The following XPO7 variants were observed in gnomAD, a reference collection of about 807,000 sequenced individuals.
XPO7 encodes exportin 7.
In XPO7, 21 loss-of-function variants were observed where a neutral mutation model predicts 144.3. The ratio of observed to expected loss-of-function variants is 0.15; its 90% CI spans 0.10 to 0.21. The LOEUF (loss-of-function observed/expected upper bound fraction) is 0.21, where lower values mean the gene tolerates loss of function less well. Ranked by LOEUF, XPO7 falls within the 10% of genes least tolerant of loss-of-function variation. The pLI is 1.00. For missense variants in XPO7, 808 were observed against 1,325.8 expected (o/e 0.61, Z 6.06); for synonymous variants, 580 against 499.6 (o/e 1.16, Z -2.15).
intron 1 of XPO7, among the ~76,000 whole-genome samples, chr8:21,948,584 A>G (rs569798405): frequency 5.3e-5 from 8 of 152,358 alleles, no homozygotes; most frequent in African/African-American, 1.9e-4. Flanking sequence ...ATGTTTTTAT[A>G]TACTAGATTG....
chr8:21,944,341 G>A (rs1811088409), intron 1 of XPO7, among the ~76,000 whole-genome samples: 1 of 152,148 alleles, frequency 6.6e-6, no homozygotes, highest in Non-Finnish European at 1.5e-5. Context: ...GCCTAGGCGG[G>A]CAGATCACCT....
At chr8:21,957,322 G>T (rs971609028) in intron 1 of XPO7, among the ~76,000 whole-genome samples, 6 of 151,900 alleles carry the variant, frequency 3.9e-5, no homozygotes, top group African/African-American at 1.5e-4. Flanking sequence ...GGACTATCTG[G>T]GAATCTTAAC....
chr8:21,956,671 A>C (rs772433546), intron 1 of XPO7, among the ~76,000 whole-genome samples: 7 of 149,730 alleles, frequency 4.7e-5, no homozygotes, highest in Non-Finnish European at 7.4e-5. Flanking sequence ...TTTCAATAGA[A>C]TATTTTTGTC....
rs564325161 is a variant in XPO7, at chr8:21,949,012, C to T, written c.19-17845C>T. Among the ~76,000 whole-genome samples, 103 of 152,276 alleles carry T rather than the reference C, an allele frequency of 6.8e-4. 1 individual carries two copies. In the South Asian group the frequency reaches 9.6e-3, roughly 14 times the overall value. ...CAGTCTGTGGGCTTCTGGCAGCAAT[C>T]GCAAGTTACGGGCCCTAAGATGAGA... On this transcript the variant is annotated intron_variant, in intron 1 of 27. Coordinates refer to ENST00000252512, the MANE Select transcript of XPO7 (RefSeq NM_015024.5).
chr8:21,925,895 G>A (rs1810443873), intron 1 of XPO7, among the ~76,000 whole-genome samples: 1 of 151,704 alleles, frequency 6.6e-6, no homozygotes, highest in Non-Finnish European at 1.5e-5. Flanking sequence ...TCTTCTTTAC[G>A]CCTAATTTCT....
At chr8:21,996,907 C>A (rs542556783) in intron 21 of XPO7, among the ~76,000 whole-genome samples, 1 of 152,254 alleles carries the variant, frequency 6.6e-6, no homozygotes, top group East Asian at 1.9e-4. Flanking sequence ...CTCCTGGGTT[C>A]AAGCGATTCT....
chr8:21,940,691 A>C (rs1376380506), intron 1 of XPO7, among the ~76,000 whole-genome samples: 1 of 151,902 alleles, frequency 6.6e-6, no homozygotes, highest in Non-Finnish European at 1.5e-5. Context: ...CTGGTCTCGA[A>C]CTCCTGACCT....
intron 7 of XPO7, 140 bp from the exon 8 acceptor site, chr8:21,977,630 C>A: frequency 1.4e-6 from 1 of 740,552 alleles, no homozygotes; most frequent in Non-Finnish European, 2.1e-6. Context: ...CCCCTATTTG[C>A]TTATCACTTC....
intron 24 of XPO7, among the ~76,000 whole-genome samples, chr8:22,001,423 G>A (rs1317608020): frequency 6.6e-6 from 1 of 152,192 alleles, no homozygotes; most frequent in East Asian, 1.9e-4. Context: ...TTGTCCTTTG[G>A]CCTTACCTCA....
At chr8:21,950,685 AC>A (rs1304558861) in intron 1 of XPO7, among the ~76,000 whole-genome samples, 1 of 152,208 alleles carries the variant, frequency 6.6e-6, no homozygotes, top group African/African-American at 2.4e-5. Flanking sequence ...TGAATTAAAA[AC>A]ATATAGTATA....
chr8:21,926,431 T>C (rs1348740640), intron 1 of XPO7, among the ~76,000 whole-genome samples: 1 of 152,096 alleles, frequency 6.6e-6, no homozygotes, highest in Non-Finnish European at 1.5e-5. Flanking sequence ...TTTAAAGGGG[T>C]GTATTTAAGG....
intron 1 of XPO7, chr8:21,964,366 ATAGC>A (rs1220248424): frequency 1.3e-5 from 2 of 152,216 alleles, no homozygotes; most frequent in African/African-American, 4.8e-5. Context: ...ACTAGTTGTT[ATAGC>A]TAATCAAATA....
At chr8:22,003,777 G>T in intron 26 of XPO7, 126 bp from the exon 27 acceptor site, 1 of 1,391,372 alleles carries the variant, frequency 7.2e-7, no homozygotes, top group Non-Finnish European at 9.6e-7. Flanking sequence ...TCTTTTTTAA[G>T]GGTCCAATTT....
intron 1 of XPO7, among the ~76,000 whole-genome samples, chr8:21,957,632 T>C (rs554905927): frequency 4.6e-5 from 7 of 152,314 alleles, no homozygotes; most frequent in Non-Finnish European, 8.8e-5. Flanking sequence ...GGAACAAAAT[T>C]AGATATGTGA....
At chr8:22,003,880 C>T (rs1476675509) in intron 26 of XPO7, 23 bp from the exon 27 acceptor site, 2 of 1,613,594 alleles carry the variant, frequency 1.2e-6, no homozygotes, top group Non-Finnish European at 1.7e-6. Context: ...CTCTAACCTT[C>T]TGTTCCACTC....
chr8:21,994,359 A>G lies in XPO7; in HGVS notation c.2149-4A>G, dbSNP rs1056652847. On this transcript the variant is annotated splice_region_variant and splice_polypyrimidine_tract_variant and intron_variant, in intron 19 of 27. Transcript: ENST00000252512. ...TTTTAACACATTTTTGCCTTCTACT[A>G]CAGCGAACTCTAGTTGGCCTAGTAA... is the stretch of plus-strand genomic sequence containing the variant. 1.9e-6 allele frequency: 3 copies of G among 1,611,192 alleles called. No homozygotes were observed. Among genetic ancestry groups the G allele is most frequent in the Non-Finnish European group, 2.5e-6 (3 of 1,177,986 alleles).
At chr8:21,972,502 T>C (rs1812099448) in intron 5 of XPO7, among the ~76,000 whole-genome samples, 2 of 152,154 alleles carry the variant, frequency 1.3e-5, no homozygotes, top group South Asian at 4.1e-4. Context: ...ACTACTGCCT[T>C]GCCCATGAAG....
At chr8:21,939,225 CTT>C (rs11436869) in intron 1 of XPO7, among the ~76,000 whole-genome samples, 2 of 142,620 alleles carry the variant, frequency 1.4e-5, no homozygotes, top group Non-Finnish European at 3.0e-5. Context: ...TTTTTCTTTT[CTT>C]TTTTTTTTTT....
intron 1 of XPO7, among the ~76,000 whole-genome samples, chr8:21,928,911 GAC>G (rs1810550480): frequency 6.6e-6 from 1 of 152,190 alleles, no homozygotes; most frequent in Non-Finnish European, 1.5e-5. Context: ...GAATAGTCTT[GAC>G]AGACATTTTG....
Sources: gnomAD v4.1 joint callset for allele counts (sites outside exome capture counted in the v4.1 genomes callset) on GRCh38, gnomAD v4.1.1 for gene constraint, MANE v1.5 for transcripts, NCBI Gene and HGNC (gene_info 2026-07-23, HGNC 2026-07-21) for gene names.